IL23R: variants seen among roughly 807,000 people sequenced by gnomAD.
IL23R encodes the protein interleukin 23 receptor.
A neutral mutation model predicts 56.9 loss-of-function variants in IL23R; 34 were observed. That is an observed-to-expected ratio of 0.60 (90% CI 0.45 to 0.80). The LOEUF (loss-of-function observed/expected upper bound fraction) is 0.80, where lower values mean the gene tolerates loss of function less well. IL23R is among the 30% of genes least tolerant of loss of function. The pLI, the probability that IL23R is intolerant of heterozygous loss-of-function variation, is 0.00. For synonymous variants in IL23R, 230 were observed against 249.2 expected, an observed-to-expected ratio of 0.92 and a Z score of 0.73; for missense variants, 635 against 730.0, an observed-to-expected ratio of 0.87 and a Z score of 1.50.
chr1:67,165,855 C>T (rs770183219), upstream of IL23R, among the ~76,000 whole-genome samples: 6 of 152,104 alleles, frequency 3.9e-5, no homozygotes, highest in Non-Finnish European at 8.8e-5. Context: ...CATAAACTTG[C>T]AGTTATAAGA....
At chr1:67,212,102 A>AT (rs56766120) in intron 6 of IL23R, among the ~76,000 whole-genome samples, 1 of 152,024 alleles carries the variant, frequency 6.6e-6, no homozygotes, top group Non-Finnish European at 1.5e-5. Flanking sequence ...ATCCAAAGCC[A>AT]CTTCTGTCTC....
At position 67,182,933 on chromosome 1, in the gene IL23R, C is replaced by T. The variant is rs200641318; in HGVS notation, c.465C>T (p.Asp155=). ...ATGCTGGGAAGCTCACCTACATAGACACAAAATACGTGGTACATGTGAAGA... is the reference window on the plus strand; with the variant it reads ...ATGCTGGGAAGCTCACCTACATAGATACAAAATACGTGGTACATGTGAAGA... ...TWNAGKLTYI[D]TKYVVHVKSL... The change falls in exon 4 of 11, where the codon GAC becomes GAT. Residue 155 remains aspartate, a synonymous_variant. Coordinates refer to ENST00000347310, the MANE Select transcript of IL23R (RefSeq NM_144701.3). 12 of 1,614,102 alleles carry T rather than the reference C, an allele frequency of 7.4e-6. No homozygotes were observed. The East Asian group carries it at 2.7e-4, about 36-fold the overall frequency.
intron 6 of IL23R, among the ~76,000 whole-genome samples, chr1:67,210,488 A>C (rs557651013): frequency 1.4e-4 from 21 of 150,508 alleles, no homozygotes; most frequent in African/African-American, 4.9e-4. Context: ...TTAGAGATAG[A>C]CTCTCACTTC....
intron 3 of IL23R, among the ~76,000 whole-genome samples, chr1:67,178,853 T>C (rs1344196790): frequency 6.6e-6 from 1 of 152,244 alleles, no homozygotes; most frequent in Non-Finnish European, 1.5e-5. Flanking sequence ...TCAAAGGCCT[T>C]TTCTGCAGCT....
Position 67,258,962 on chromosome 1 carries a change from T to G in IL23R, c.1724T>G (p.Leu575Trp). ...GTAGAGGAGGAAACCACCATGCTTT[T>G]GGAAAATGATTCACCCAGTGAAACT... ...NSVEEETTML[L>W]ENDSPSETIP... The change falls in exon 11 of 11, where the codon TTG (leucine) becomes TGG (tryptophan). Residue 575 changes from leucine to tryptophan, a missense_variant. By Grantham distance (61) the Leu-to-Trp change is moderately conservative. Coordinates refer to ENST00000347310, the MANE Select transcript of IL23R (RefSeq NM_144701.3). 1.2e-6 allele frequency: 2 copies of G among 1,614,150 alleles called. No individual in the cohort carries two copies. Among genetic ancestry groups the G allele is most frequent in the Non-Finnish European group, 1.7e-6 (2 of 1,180,008 alleles).
chr1:67,172,510 G>A (rs1430723513), intron 3 of IL23R, among the ~76,000 whole-genome samples: 3 of 152,056 alleles, frequency 2.0e-5, no homozygotes, highest in African/African-American at 7.2e-5. Context: ...AAGACTAAAT[G>A]CACACATATT....
intron 7 of IL23R, among the ~76,000 whole-genome samples, chr1:67,230,633 A>G (rs1448463294): frequency 2.6e-5 from 4 of 152,194 alleles, no homozygotes; most frequent in Non-Finnish European, 4.4e-5. Flanking sequence ...CCAGGAATAT[A>G]AGAAGGAAGA....
chr1:67,151,583 G>A (rs1325473288), intron 1 of IL23R, among the ~76,000 whole-genome samples: 3 of 152,134 alleles, frequency 2.0e-5, no homozygotes, highest in Non-Finnish European at 4.4e-5. Context: ...ATGGTTTCAG[G>A]TTTTATATTT....
At chr1:67,205,949 T>C (rs565261090) in intron 5 of IL23R, among the ~76,000 whole-genome samples, 10 of 151,498 alleles carry the variant, frequency 6.6e-5, no homozygotes, top group East Asian at 1.9e-4. Flanking sequence ...TTCTCTTTTT[T>C]TTTCTTTCTT....
chr1:67,237,335 C>T (rs930376921), intron 8 of IL23R, among the ~76,000 whole-genome samples: 10 of 152,214 alleles, frequency 6.6e-5, no homozygotes, highest in Admixed American at 6.5e-4. Context: ...GCCACCGCAC[C>T]TGGCCACATT....
At chr1:67,218,754 C>T (rs985131348) in intron 6 of IL23R, among the ~76,000 whole-genome samples, 2 of 151,252 alleles carry the variant, frequency 1.3e-5, no homozygotes, top group African/African-American at 2.4e-5. Context: ...CTTATCTCTA[C>T]AGAAAAATTT....
rs2100398110 is a variant in IL23R, at chr1:67,258,820, C to T, written c.1582C>T (p.Pro528Ser). 1 of 1,612,308 alleles carries T rather than the reference C, an allele frequency of 6.2e-7. No individual in the cohort carries two copies. Among genetic ancestry groups the T allele is most frequent in the East Asian group, 2.2e-5 (1 of 44,842 alleles). ...AAATAATCCCAGGTTACAAAAGCAT[C>T]CTAATTTTGCTTTTTCTGTTTCAAG... Reference protein sequence around the residue: ...SGNNPRLQKHPNFAFSVSSVN... With the variant: ...SGNNPRLQKHSNFAFSVSSVN... The change falls in exon 11 of 11, where the codon CCT (proline) becomes TCT (serine). Residue 528 changes from proline (P) to serine (S), a missense_variant. Pro to Ser is a moderately conservative substitution (Grantham distance 74). Coordinates refer to ENST00000347310, the MANE Select transcript of IL23R (RefSeq NM_144701.3).
At chr1:67,253,284 G>A (rs1353209650) in intron 9 of IL23R, among the ~76,000 whole-genome samples, 1 of 152,148 alleles carries the variant, frequency 6.6e-6, no homozygotes, top group Non-Finnish European at 1.5e-5. Flanking sequence ...TCTATGGTTA[G>A]TTATTTAAAA....
At chr1:67,151,873 T>C (rs931746705) in intron 1 of IL23R, among the ~76,000 whole-genome samples, 7 of 152,212 alleles carry the variant, frequency 4.6e-5, no homozygotes, top group African/African-American at 1.7e-4. Context: ...AGCCTTGTAG[T>C]GTAGTTTGAA....
At chr1:67,162,279 C>T (rs1454918065), upstream of IL23R, among the ~76,000 whole-genome samples, 1 of 151,922 alleles carries the variant, frequency 6.6e-6, no homozygotes, top group East Asian at 1.9e-4. Context: ...TCCTGGCTAA[C>T]ACGGTGAAAC....
chr1:67,189,514 A>C (rs1647588177), intron 4 of IL23R, among the ~76,000 whole-genome samples: 1 of 152,224 alleles, frequency 6.6e-6, no homozygotes, highest in Admixed American at 6.5e-5. Context: ...TAAAAGATAT[A>C]AAAGGTTAGA....
chr1:67,159,341 C>G (rs1261857596), intron 1 of IL23R, among the ~76,000 whole-genome samples: 1 of 152,090 alleles, frequency 6.6e-6, no homozygotes, highest in Non-Finnish European at 1.5e-5. Flanking sequence ...TGCTCGCTCT[C>G]TCTCCTGCCA....
intron 4 of IL23R, among the ~76,000 whole-genome samples, chr1:67,197,975 C>T (rs1648297131): frequency 6.6e-6 from 1 of 150,778 alleles, no homozygotes; most frequent in Non-Finnish European, 1.5e-5. Flanking sequence ...AAAGAAATAC[C>T]TGAGGCTCGG....
At chr1:67,238,487 C>A (rs1287582174) in intron 8 of IL23R, among the ~76,000 whole-genome samples, 2 of 152,182 alleles carry the variant, frequency 1.3e-5, no homozygotes, top group Non-Finnish European at 2.9e-5. Flanking sequence ...GACCTACCTA[C>A]ACCTTGATAT....
Sources: gnomAD v4.1 joint callset for allele counts (sites outside exome capture counted in the v4.1 genomes callset) on GRCh38, gnomAD v4.1.1 for gene constraint, MANE v1.5 for transcripts, NCBI Gene and HGNC (gene_info 2026-07-23, HGNC 2026-07-21) for gene names.